Variants in GLOD5 observed in about 807,000 individuals in gnomAD.
GLOD5 encodes the protein glyoxalase domain containing 5.
Under a neutral mutation model 9.9 loss-of-function variants are expected in GLOD5, and 7 were observed. The ratio of observed to expected loss-of-function variants is 0.71; its 90% confidence interval spans 0.40 to 1.33. The LOEUF (loss-of-function observed/expected upper bound fraction) is 1.33, where lower values mean the gene tolerates loss of function less well. Ranked by LOEUF, GLOD5 falls within the 40% of genes most tolerant of loss-of-function variation. The pLI is 0.01. For missense variants in GLOD5, 146 were observed against 128.4 expected (o/e 1.14, Z -0.66); for synonymous variants, 49 against 47.3 (o/e 1.04, Z -0.14).
intron 1 of GLOD5, among the ~76,000 whole-genome samples, chrX:48,764,991 G>T (rs1557016436): frequency 9.0e-6 from 1 of 111,412 alleles, no homozygotes; most frequent in African/African-American, 3.3e-5. Flanking sequence ...CGGGAAAGTG[G>T]AAGGTTGGGG....
chrX:48,767,869 T>G (rs1190140929), intron 2 of GLOD5, among the ~76,000 whole-genome samples: 2 of 111,539 alleles, frequency 1.8e-5, no homozygotes, highest in African/African-American at 6.5e-5. Context: ...AATTTTGCTG[T>G]GGACCTAAAA....
At chrX:48,766,853 A>G (rs1557016744) in intron 2 of GLOD5, among the ~76,000 whole-genome samples, 1 of 103,135 alleles carries the variant, frequency 9.7e-6, no homozygotes, top group Admixed American at 1.1e-4. Context: ...AGGCTATGCT[A>G]TATCAAAATG....
intron 1 of GLOD5, among the ~76,000 whole-genome samples, chrX:48,762,773 A>G (rs2062599693): frequency 9.0e-6 from 1 of 111,204 alleles, no homozygotes; most frequent in Non-Finnish European, 1.9e-5. Context: ...ATCATTTTAT[A>G]AAGCAGGCTT....
Position 48,773,533 on chromosome X carries a change from G to C in GLOD5, c.*98G>C, listed in dbSNP as rs1291941319. On this transcript the variant is annotated 3_prime_UTR_variant, in exon 4 of 4. Coordinates refer to ENST00000303227, the MANE Select transcript of GLOD5 (RefSeq NM_001080489.3). Reference sequence around the variant, plus strand: ...AGGCCCAGAGATCTCCAAAGACTGAGGACTTAGGCACTTCACACATCCTGC... The same window carrying C: ...AGGCCCAGAGATCTCCAAAGACTGACGACTTAGGCACTTCACACATCCTGC... The C allele has an allele frequency of 5.2e-6, 5 of 959,578 alleles. No individual in the cohort carries two copies. The highest frequency in any genetic ancestry group is 5.7e-6 in the Non-Finnish European group (4 of 695,925). The allele number at this position is 959,578 out of a possible 1,213,427, so 79.1% of individuals were successfully genotyped here.
At chrX:48,767,208 A>G (rs2062611847) in intron 2 of GLOD5, among the ~76,000 whole-genome samples, 1 of 108,816 alleles carries the variant, frequency 9.2e-6, no homozygotes, top group African/African-American at 3.3e-5. Flanking sequence ...AGAATTTGGA[A>G]TAACTTCAAA....
intron 3 of GLOD5, 47 bp from the exon 4 acceptor site, chrX:48,773,263 A>T: frequency 8.3e-7 from 1 of 1,199,293 alleles, no homozygotes; most frequent in East Asian, 3.0e-5. Flanking sequence ...TTTTGGTCTC[A>T]CACACACATT....
chrX:48,766,925 G>C (rs1162707688), intron 2 of GLOD5, among the ~76,000 whole-genome samples: 2 of 88,381 alleles, frequency 2.3e-5, no homozygotes, highest in Non-Finnish European at 4.3e-5. Flanking sequence ...GGCAGAGGTT[G>C]CAGTGAGCCG....
rs1306947894 is a variant in GLOD5 at position 48,773,419 on chromosome X, A to G, written c.467A>G (p.Asn156Ser). The change falls in exon 4 of 4, where the codon AAC becomes AGC. Residue 156 changes from asparagine to serine, a missense_variant. Asn to Ser is a conservative substitution (Grantham distance 46). Coordinates refer to ENST00000303227, the MANE Select transcript of GLOD5 (RefSeq NM_001080489.3). Reference sequence around the variant, plus strand: ...GACAGAAATCTGATTGAGGTGTCCAACTACATCTCCTCGTGATGGAGGCTG... The same window carrying G: ...GACAGAAATCTGATTGAGGTGTCCAGCTACATCTCCTCGTGATGGAGGCTG... ...DPDRNLIEVSNYISS is the reference protein window; with the variant it reads ...DPDRNLIEVSSYISS 14 of 1,206,574 alleles carry G rather than the reference A, an allele frequency of 1.2e-5. No homozygotes were observed. In the East Asian group the frequency reaches 4.2e-4, roughly 36 times the overall value.
intron 1 of GLOD5, chrX:48,765,519 A>G (rs979454307): frequency 1.7e-4 from 47 of 272,882 alleles, no homozygotes; most frequent in Non-Finnish European, 2.7e-4. Flanking sequence ...CGGAGGTTGC[A>G]GTGAGGTGAG....
intron 1 of GLOD5, 177 bp from the exon 2 acceptor site, chrX:48,765,658 T>A: frequency 1.9e-6 from 1 of 535,502 alleles, no homozygotes; most frequent in Non-Finnish European, 3.4e-6. Context: ...TGGGCTCTCA[T>A]GAATCCACAC....
chrX:48,763,029 T>C (rs782649502), intron 1 of GLOD5, among the ~76,000 whole-genome samples: 2 of 112,143 alleles, frequency 1.8e-5, no homozygotes, highest in Non-Finnish European at 3.8e-5. Flanking sequence ...TCTAACAGAC[T>C]ATCAAAATGA....
intron 3 of GLOD5, 144 bp downstream of exon 3, chrX:48,771,226 T>C (rs1317331835): frequency 3.0e-5 from 11 of 370,171 alleles, no homozygotes; most frequent in Non-Finnish European, 1.3e-5. Context: ...AATTCTTTCA[T>C]GTAAATAAAT....
At chrX:48,769,498 G>A (rs192697681) in intron 2 of GLOD5, among the ~76,000 whole-genome samples, 1 of 110,795 alleles carries the variant, frequency 9.0e-6, no homozygotes, top group East Asian at 2.8e-4. Context: ...TCCAGCCTGG[G>A]TGATAGAATG....
intron 1 of GLOD5, among the ~76,000 whole-genome samples, chrX:48,765,261 C>T (rs1438372182): frequency 1.8e-5 from 2 of 110,627 alleles, no homozygotes; most frequent in African/African-American, 6.6e-5. Context: ...CTAATCTTCA[C>T]TTCTGGAAGA....
At chrX:48,768,605 T>A (rs2062614648) in intron 2 of GLOD5, among the ~76,000 whole-genome samples, 1 of 111,730 alleles carries the variant, frequency 9.0e-6, no homozygotes, top group South Asian at 3.7e-4. Flanking sequence ...AAAACGCAGA[T>A]GAACATCAGA....
intron 3 of GLOD5, among the ~76,000 whole-genome samples, chrX:48,772,988 C>A (rs1412568914): frequency 9.0e-6 from 1 of 110,636 alleles, no homozygotes; most frequent in Non-Finnish European, 1.9e-5. Flanking sequence ...ATAATTCCAG[C>A]ACTTTAGGAG....
In GLOD5 at chrX:48,772,493, C is replaced by T. The variant is rs895656702; in HGVS notation, c.358-817C>T. On this transcript the variant is annotated intron_variant, in intron 3 of 3. Coordinates refer to ENST00000303227, the MANE Select transcript of GLOD5 (RefSeq NM_001080489.3). Reference sequence around the variant, plus strand: ...GGTTGAGGCTGTAGTGAGCTGTGATCGCACCACTCCATTCTAGTCAGTGTG... The same window carrying T: ...GGTTGAGGCTGTAGTGAGCTGTGATTGCACCACTCCATTCTAGTCAGTGTG... Among the ~76,000 whole-genome samples, 3 of 111,201 alleles carry T rather than the reference C, an allele frequency of 2.7e-5. No homozygotes were observed. In the Admixed American group the frequency reaches 2.9e-4, roughly 11 times the overall value.
At chrX:48,762,436 CTT>C (rs782634445) in intron 1 of GLOD5, 20 of 91,047 alleles carry the variant, frequency 2.2e-4, no homozygotes, top group Admixed American at 3.7e-4. Flanking sequence ...ATTACTATGT[CTT>C]TTTTTTTTTT....
intron 2 of GLOD5, among the ~76,000 whole-genome samples, chrX:48,769,069 G>C (rs1557017025): frequency 9.2e-6 from 1 of 109,055 alleles, no homozygotes. Context: ...TTTTCTGATT[G>C]AATGGATGTG....
Sources: allele counts gnomAD v4.1 joint callset (sites outside exome capture counted in the v4.1 genomes callset), GRCh38; gene constraint gnomAD v4.1.1; transcripts MANE v1.5; gene names NCBI Gene and HGNC (gene_info 2026-07-23, HGNC 2026-07-21).